CRADD: variants seen among roughly 807,000 people sequenced by gnomAD.
CRADD encodes the protein CARD and death domain containing adaptor protein.
A neutral mutation model predicts 15.5 loss-of-function variants in CRADD; 9 were observed. That is an observed-to-expected ratio of 0.58 (90% CI 0.35 to 1.01). CRADD has a LOEUF of 1.01. Ranked by LOEUF, CRADD falls within the 50% of genes least tolerant of loss-of-function variation. CRADD has a pLI of 0.02. For missense variants in CRADD, 227 were observed against 250.3 expected, an observed-to-expected ratio of 0.91 and a Z score of 0.63; for synonymous variants, 118 against 107.6, an observed-to-expected ratio of 1.10 and a Z score of -0.60.
At chr12:93,714,780 G>A (rs566381566) in intron 2 of CRADD, 2 of 152,248 alleles carry the variant, frequency 1.3e-5, no homozygotes, top group South Asian at 4.1e-4. Flanking sequence ...GGGAAAAGAA[G>A]TAGTCTTTCC....
chr12:93,715,186 C>T (rs1565884456), intron 2 of CRADD, among the ~76,000 whole-genome samples: 8 of 152,094 alleles, frequency 5.3e-5, no homozygotes, highest in African/African-American at 1.4e-4. Context: ...GAGAAGTTAA[C>T]GCCTTTGATT....
intron 2 of CRADD, among the ~76,000 whole-genome samples, chr12:93,891,809 C>T (rs140226138): frequency 4.1e-4 from 63 of 152,316 alleles, no homozygotes; most frequent in African/African-American, 1.5e-3. Flanking sequence ...GGGCTCCTCG[C>T]ACTTCTCACC....
chr12:93,881,350 CAA>C (rs1307228420), intron 2 of CRADD, among the ~76,000 whole-genome samples: 1 of 138,834 alleles, frequency 7.2e-6, no homozygotes, highest in African/African-American at 2.7e-5. Context: ...TTTTACCACA[CAA>C]AAAAAGACTG....
At chr12:93,704,997 C>T (rs1482646737) in intron 2 of CRADD, among the ~76,000 whole-genome samples, 1 of 152,240 alleles carries the variant, frequency 6.6e-6, no homozygotes, top group Admixed American at 6.5e-5. Context: ...CCTCCCAAGT[C>T]ACTTTCTGCA....
rs1958594791 is a variant in CRADD, at chr12:93,893,992, T to C, written c.299-58T>C. 5.7e-6 allele frequency: 4 copies of C among 702,120 alleles called. No individual in the cohort carries two copies. The South Asian group carries it at 5.9e-5, about 10-fold the overall frequency. The allele number at this position is 702,120 out of a possible 1,614,324, so 43.5% of individuals were successfully genotyped here. ...TACATCTCAAAGTGCACCACACACA[T>C]TAGCTCAGCTGATCGCCATACTCCC... is the stretch of plus-strand genomic sequence containing the variant. On this transcript the variant is annotated intron_variant, in intron 2 of 2. Transcript: ENST00000548483.
At chr12:93,774,597 T>A (rs1592979019) in intron 2 of CRADD, among the ~76,000 whole-genome samples, 1 of 152,246 alleles carries the variant, frequency 6.6e-6, no homozygotes. Context: ...CTGATCATGA[T>A]AGCTAGACTT....
intron 2 of CRADD, among the ~76,000 whole-genome samples, chr12:93,889,491 C>T (rs1958561353): frequency 6.6e-6 from 1 of 152,204 alleles, no homozygotes; most frequent in East Asian, 1.9e-4. Flanking sequence ...TTCTACCAGG[C>T]TCAGTGGCTT....
At chr12:93,806,877 C>T (rs1467448945) in intron 2 of CRADD, among the ~76,000 whole-genome samples, 2 of 152,124 alleles carry the variant, frequency 1.3e-5, no homozygotes, top group African/African-American at 4.8e-5. Context: ...CTTGAAAGAT[C>T]TGATGACTTC....
At chr12:93,859,469 G>A in intron 2 of CRADD, 1 of 420,662 alleles carries the variant, frequency 2.4e-6, no homozygotes, top group Non-Finnish European at 4.8e-6. Context: ...TCCAAGTCTT[G>A]GCATCAAACT....
intron 2 of CRADD, among the ~76,000 whole-genome samples, chr12:93,786,648 G>T (rs559877472): frequency 6.6e-6 from 1 of 152,180 alleles, no homozygotes; most frequent in South Asian, 2.1e-4. Flanking sequence ...ACATTCAGAG[G>T]GATAAGTTTT....
chr12:93,685,823 T>C (rs1028080040), intron 2 of CRADD, among the ~76,000 whole-genome samples: 1 of 151,048 alleles, frequency 6.6e-6, no homozygotes, highest in African/African-American at 2.4e-5. Flanking sequence ...GAAACCCCCA[T>C]CTCTACTTAA....
intron 2 of CRADD, among the ~76,000 whole-genome samples, chr12:93,742,457 G>C (rs954074247): frequency 1.3e-5 from 2 of 150,894 alleles, no homozygotes; most frequent in Non-Finnish European, 3.0e-5. Flanking sequence ...GCCTCTGCGG[G>C]CCCCGGCTGC....
At chr12:93,711,055 C>CCCCCCCTTTTTTT in intron 2 of CRADD, among the ~76,000 whole-genome samples, 6 of 43,506 alleles carry the variant, frequency 1.4e-4, no homozygotes, top group Admixed American at 2.6e-4. Flanking sequence ...CCACCCCCGC[C>CCCCCCCTTTTTTT]TTTTTTTTTT....
At chr12:93,769,724 G>T (rs892608509) in intron 2 of CRADD, among the ~76,000 whole-genome samples, 18 of 152,134 alleles carry the variant, frequency 1.2e-4, no homozygotes, top group Non-Finnish European at 1.6e-4. Context: ...ATTTTAATTT[G>T]CATTTTCCTG....
chr12:93,700,497 C>A (rs1955818532), intron 2 of CRADD, among the ~76,000 whole-genome samples: 1 of 152,004 alleles, frequency 6.6e-6, no homozygotes, highest in Non-Finnish European at 1.5e-5. Context: ...GTGGCTTGAT[C>A]TCTGCTCAGT....
At chr12:93,769,130 G>C (rs1957056729) in intron 2 of CRADD, among the ~76,000 whole-genome samples, 2 of 151,614 alleles carry the variant, frequency 1.3e-5, no homozygotes, top group Non-Finnish European at 2.9e-5. Context: ...GCCAAAGCTG[G>C]AGTGCAGTGG....
At chr12:93,754,509 G>A (rs948216446) in intron 2 of CRADD, among the ~76,000 whole-genome samples, 1 of 152,160 alleles carries the variant, frequency 6.6e-6, no homozygotes, top group African/African-American at 2.4e-5. Context: ...ATGCTTTGCT[G>A]TTTAGAAATT....
chr12:93,837,783 A>G (rs973204369), intron 2 of CRADD: 3 of 152,228 alleles, frequency 2.0e-5, no homozygotes, highest in African/African-American at 7.2e-5. Context: ...CTTAGAAGTC[A>G]TCTGGTTTTA....
intron 2 of CRADD, among the ~76,000 whole-genome samples, chr12:93,695,982 A>G (rs892476162): frequency 6.6e-6 from 1 of 152,242 alleles, no homozygotes; most frequent in Non-Finnish European, 1.5e-5. Flanking sequence ...GTATATGAAA[A>G]AATGATCAAC....
Sources: allele counts gnomAD v4.1 joint callset (sites outside exome capture counted in the v4.1 genomes callset), GRCh38; gene constraint gnomAD v4.1.1; transcripts MANE v1.5; gene names NCBI Gene and HGNC (gene_info 2026-07-23, HGNC 2026-07-21).